CHD9: variants seen among roughly 807,000 people sequenced by gnomAD.
CHD9 encodes the protein chromodomain helicase DNA binding protein 9.
CHD9 carries 77 observed loss-of-function variants against 316.1 expected under a neutral mutation model. That is an observed-to-expected ratio of 0.24 (90% CI 0.20 to 0.29). The LOEUF is 0.29. Ranked by LOEUF, CHD9 falls within the 10% of genes least tolerant of loss-of-function variation. The pLI is 1.00. For missense variants in CHD9, 2,763 were observed against 3,438.1 expected (o/e 0.80, Z 4.91); for synonymous variants, 1,129 against 1,158.3 (o/e 0.97, Z 0.51).
rs140321248 is a variant in CHD9 at position 53,155,263 on chromosome 16, C to T, written c.-164-663C>T. ...TTTGAGACAGTGTCTCACTCTGTTG[C>T]CCAGGCTGGAGTGCAGTGGCACAAT... On this transcript the variant is annotated intron_variant, in intron 1 of 38. Coordinates refer to ENST00000447540, the MANE Select transcript of CHD9 (RefSeq NM_001308319.2). 4.2e-3 allele frequency among the ~76,000 whole-genome samples: 642 copies of T among 151,860 alleles called. 8 individuals are homozygous for T. Among genetic ancestry groups the T allele is most frequent in the African/African-American group, 0.015 (619 of 41,436 alleles).
intron 18 of CHD9, among the ~76,000 whole-genome samples, chr16:53,254,964 C>T (rs994423943): frequency 1.3e-5 from 2 of 152,046 alleles, no homozygotes; most frequent in Non-Finnish European, 2.9e-5. Context: ...TAAATGATGA[C>T]ATTTTGGCTT....
chr16:53,269,765 T>A (rs2052055142), intron 22 of CHD9, among the ~76,000 whole-genome samples: 1 of 152,166 alleles, frequency 6.6e-6, no homozygotes, highest in South Asian at 2.1e-4. Context: ...GAGAGGTATC[T>A]ATTCACAGCC....
intron 10 of CHD9, among the ~76,000 whole-genome samples, chr16:53,234,088 A>G (rs769235029): frequency 2.0e-5 from 3 of 152,168 alleles, no homozygotes; most frequent in Non-Finnish European, 2.9e-5. Flanking sequence ...TTTGAAAGAA[A>G]TGTTTTGTAC....
At chr16:53,239,481 A>G (rs1224843473) in intron 12 of CHD9, among the ~76,000 whole-genome samples, 2 of 152,182 alleles carry the variant, frequency 1.3e-5, no homozygotes, top group South Asian at 2.1e-4. Flanking sequence ...TTGAATGTTC[A>G]TATGAATCAT....
intron 36 of CHD9, 31 bp downstream of exon 36, chr16:53,315,075 T>A: frequency 6.7e-7 from 1 of 1,495,742 alleles, no homozygotes; most frequent in Non-Finnish European, 9.2e-7. Flanking sequence ...CTTGTTATAT[T>A]TTATTTTTAT....
At chr16:53,103,962 C>T (rs1422299753) in intron 1 of CHD9, among the ~76,000 whole-genome samples, 2 of 152,140 alleles carry the variant, frequency 1.3e-5, no homozygotes, top group Non-Finnish European at 2.9e-5. Flanking sequence ...ATTTCCTACT[C>T]CATGGCCTTC....
At chr16:53,141,433 TA>T (rs991065122) in intron 1 of CHD9, among the ~76,000 whole-genome samples, 2 of 152,220 alleles carry the variant, frequency 1.3e-5, no homozygotes, top group Admixed American at 6.5e-5. Flanking sequence ...ACTGGGGCTT[TA>T]AAAAAATTGT....
At position 53,297,058 on chromosome 16, in the gene CHD9, T is replaced by A. The variant is rs2054872015; in HGVS notation, c.5613T>A (p.Ala1871=). 6.2e-7 allele frequency: 1 copy of A among 1,613,644 alleles called. No homozygotes were observed. Among genetic ancestry groups the A allele is most frequent in the South Asian group, 1.1e-5 (1 of 91,080 alleles). The part of the protein sequence containing the change: ...RGQFDWTKFR[A]MARLHKKTDD... ...AATTTGATTGGACAAAATTTAGAGC[T>A]ATGGCTAGGCTACATAAGAAAACTG... is the stretch of plus-strand genomic sequence containing the variant. The change falls in exon 30 of 39, where the codon GCT becomes GCA. Residue 1871 remains alanine, a synonymous_variant. Coordinates refer to ENST00000447540, the MANE Select transcript of CHD9 (RefSeq NM_001308319.2).
At chr16:53,290,769 C>T (rs2054265720) in intron 27 of CHD9, among the ~76,000 whole-genome samples, 1 of 152,098 alleles carries the variant, frequency 6.6e-6, no homozygotes, top group African/African-American at 2.4e-5. Flanking sequence ...CACAGTGAGA[C>T]CCTGTCTCGA....
intron 12 of CHD9, among the ~76,000 whole-genome samples, chr16:53,240,146 A>G (rs2048967392): frequency 6.6e-6 from 1 of 152,032 alleles, no homozygotes; most frequent in East Asian, 1.9e-4. Context: ...AACTCATGTA[A>G]TCCTCCCACC....
intron 37 of CHD9, 36 bp from the exon 38 acceptor site, chr16:53,321,490 C>A: frequency 6.7e-7 from 1 of 1,488,158 alleles, no homozygotes; most frequent in Non-Finnish European, 9.0e-7. Flanking sequence ...TTCTATGTAA[C>A]AGTGTTGTAG....
intron 2 of CHD9, among the ~76,000 whole-genome samples, chr16:53,199,529 T>G (rs1169229625): frequency 6.6e-6 from 1 of 152,232 alleles, no homozygotes; most frequent in Non-Finnish European, 1.5e-5. Context: ...TGGTGAAGTT[T>G]GGGCATTTAG....
chr16:53,104,789 G>T (rs1187554025), intron 1 of CHD9, among the ~76,000 whole-genome samples: 3 of 148,116 alleles, frequency 2.0e-5, no homozygotes, highest in Non-Finnish European at 4.4e-5. Context: ...TCCAGCCCGG[G>T]TGACAGAATG....
chr16:53,120,344 T>G (rs980732602), intron 1 of CHD9, among the ~76,000 whole-genome samples: 3 of 152,222 alleles, frequency 2.0e-5, no homozygotes. Context: ...CCAGGTGTGG[T>G]GGCTCACGCC....
At position 53,250,059 on chromosome 16, in the gene CHD9, A is replaced by T; in HGVS notation, c.3854A>T (p.Asp1285Val). ...GATTCTGATTGGAATCCTCAGAATG[A>T]TCTTCAGGTAAATAATTTCCTTGGC... Reference protein sequence around the residue: ...IFDSDWNPQNDLQAQARCHRI... With the variant: ...IFDSDWNPQNVLQAQARCHRI... Residue 1285 changes from aspartate to valine, a missense_variant, in exon 17 of 39, where the codon GAT (aspartate) becomes GTT (valine). Transcript: ENST00000447540. 6.3e-7 allele frequency: 1 copy of T among 1,595,976 alleles called. No homozygotes were observed. The highest frequency in any genetic ancestry group is 8.5e-7 in the Non-Finnish European group (1 of 1,171,966).
chr16:53,097,280 G>A (rs1056777114), intron 1 of CHD9, among the ~76,000 whole-genome samples: 2 of 152,118 alleles, frequency 1.3e-5, no homozygotes, highest in African/African-American at 4.8e-5. Context: ...CTCTCGCTGT[G>A]AGAGATATCT....
chr16:53,085,129 T>C (rs577541753), intron 1 of CHD9, among the ~76,000 whole-genome samples: 1 of 152,192 alleles, frequency 6.6e-6, no homozygotes, highest in African/African-American at 2.4e-5. Context: ...TCGTCCATAA[T>C]AGCAATCAGC....
At chr16:53,265,259 A>G (rs1417328797) in intron 20 of CHD9, among the ~76,000 whole-genome samples, 2 of 152,002 alleles carry the variant, frequency 1.3e-5, no homozygotes, top group Non-Finnish European at 2.9e-5. Context: ...AAAATTAGCT[A>G]GGCGTGATTG....
At chr16:53,176,413 G>C (rs1266459108) in intron 2 of CHD9, among the ~76,000 whole-genome samples, 1 of 152,216 alleles carries the variant, frequency 6.6e-6, no homozygotes, top group East Asian at 1.9e-4. Flanking sequence ...CAGCTCAGCT[G>C]ATGAACAACC....
Sources: allele counts gnomAD v4.1 joint callset (sites outside exome capture counted in the v4.1 genomes callset), GRCh38; gene constraint gnomAD v4.1.1; transcripts MANE v1.5; gene names NCBI Gene and HGNC (gene_info 2026-07-23, HGNC 2026-07-21).